The following CNKSR2 variants were observed in gnomAD, a reference collection of about 807,000 sequenced individuals.
The protein encoded by CNKSR2 is connector enhancer of kinase suppressor of Ras 2.
CNKSR2 carries 14 observed loss-of-function variants against 84.4 expected under a neutral mutation model. That is an observed-to-expected ratio of 0.17 (90% confidence interval 0.11 to 0.26). CNKSR2 has a LOEUF of 0.26. Ranked by LOEUF, CNKSR2 falls within the 10% of genes least tolerant of loss-of-function variation. The pLI is 1.00. For synonymous variants in CNKSR2, 275 were observed against 277.9 expected (o/e 0.99, Z 0.10); for missense variants, 485 against 771.2 (o/e 0.63, Z 4.40).
intron 1 of CNKSR2, among the ~76,000 whole-genome samples, chrX:21,416,240 A>G (rs1227107115): frequency 8.9e-6 from 1 of 112,142 alleles, no homozygotes; most frequent in Non-Finnish European, 1.9e-5. Flanking sequence ...ACGATGTACC[A>G]CATTGATTGA....
chrX:21,417,849 A>C (rs1162589607), intron 1 of CNKSR2, among the ~76,000 whole-genome samples: 1 of 111,115 alleles, frequency 9.0e-6, no homozygotes, highest in Non-Finnish European at 1.9e-5. Flanking sequence ...TTTTGTTTTT[A>C]AATTTATGCA....
intron 1 of CNKSR2, among the ~76,000 whole-genome samples, chrX:21,391,502 G>A (rs1169859515): frequency 8.9e-6 from 1 of 112,054 alleles, no homozygotes; most frequent in African/African-American, 3.3e-5. Flanking sequence ...GTGTATCTGG[G>A]GTCCTTTTAG....
chrX:21,625,282 C>T (rs187018801), intron 20 of CNKSR2, among the ~76,000 whole-genome samples: 15 of 112,080 alleles, frequency 1.3e-4, no homozygotes, highest in African/African-American at 4.5e-4. Flanking sequence ...AAAACAGTAA[C>T]TAATGGTTAT....
At chrX:21,488,857 A>G (rs1414768565) in intron 5 of CNKSR2, among the ~76,000 whole-genome samples, 1 of 111,015 alleles carries the variant, frequency 9.0e-6, no homozygotes, top group Non-Finnish European at 1.9e-5. Context: ...TACAAAGATA[A>G]GAAGCTACAT....
intron 4 of CNKSR2, among the ~76,000 whole-genome samples, chrX:21,464,459 G>GT (rs1330477975): frequency 8.9e-6 from 1 of 111,916 alleles, no homozygotes. Flanking sequence ...TTATGGAGAT[G>GT]TTTTTTTCTG....
intron 1 of CNKSR2, among the ~76,000 whole-genome samples, chrX:21,391,639 G>A (rs1364210013): frequency 1.8e-5 from 2 of 112,022 alleles, no homozygotes; most frequent in Admixed American, 9.4e-5. Context: ...CCTCTGACAC[G>A]AGGGGCTGCT....
At chrX:21,639,786 G>A (rs926501648) in intron 20 of CNKSR2, among the ~76,000 whole-genome samples, 1 of 111,880 alleles carries the variant, frequency 8.9e-6, no homozygotes, top group Non-Finnish European at 1.9e-5. Context: ...TCAAACTGCA[G>A]TGGGCACAAG....
At chrX:21,543,892 G>A (rs1455971241) in intron 11 of CNKSR2, among the ~76,000 whole-genome samples, 1 of 109,409 alleles carries the variant, frequency 9.1e-6, no homozygotes, top group Non-Finnish European at 1.9e-5. Flanking sequence ...GCATGATCTC[G>A]GCTCACTGCA....
In CNKSR2 at chrX:21,546,239, G is replaced by A. The variant is rs963197970; in HGVS notation, c.1303+14172G>A. 3.7e-5 allele frequency among the ~76,000 whole-genome samples: 4 copies of A among 108,795 alleles called. No individual in the cohort carries two copies. The South Asian group carries it at 1.2e-3, about 33-fold the overall frequency. 94.5% of individuals were successfully genotyped at this position (108,795 alleles called of 115,157 possible). ...AGAAAAGAACATAAATGACCTGATG[G>A]AGCTGAAAAACACAACATGAGAACT... On this transcript the variant is annotated intron_variant, in intron 11 of 21. Transcript: ENST00000379510.
intron 14 of CNKSR2, 94 bp downstream of exon 14, chrX:21,590,714 G>A (rs2092415322): frequency 2.1e-6 from 2 of 949,889 alleles, no homozygotes; most frequent in Admixed American, 5.1e-5. Flanking sequence ...CCTGAGCCCA[G>A]TGTGGTTTAG....
chrX:21,572,670 CT>C (rs2092291953), intron 13 of CNKSR2, among the ~76,000 whole-genome samples: 1 of 111,323 alleles, frequency 9.0e-6, no homozygotes. Flanking sequence ...AAGCCATCAG[CT>C]CTCATGATAA....
intron 6 of CNKSR2, 115 bp downstream of exon 6, chrX:21,490,693 G>A: frequency 1.2e-6 from 1 of 808,156 alleles, no homozygotes; most frequent in South Asian, 4.5e-5. Flanking sequence ...TGAACATTTT[G>A]GTATTTTTTT....
chrX:21,443,914 A>T (rs1005469620), intron 4 of CNKSR2, among the ~76,000 whole-genome samples: 1 of 111,572 alleles, frequency 9.0e-6, no homozygotes, highest in Admixed American at 9.5e-5. Flanking sequence ...TGTTACCTTT[A>T]TATTATTTTA....
chrX:21,521,541 A>G (rs961484752), intron 9 of CNKSR2, among the ~76,000 whole-genome samples: 1 of 110,913 alleles, frequency 9.0e-6, no homozygotes, highest in African/African-American at 3.3e-5. Context: ...ATGGAAGTCC[A>G]GTTTTAATGT....
At chrX:21,440,627 G>T in intron 3 of CNKSR2, 67 bp from the exon 4 acceptor site, 1 of 479,144 alleles carries the variant, frequency 2.1e-6, no homozygotes. Flanking sequence ...CTCATTTTAG[G>T]CTACTATATT....
intron 17 of CNKSR2, 111 bp from the exon 18 acceptor site, chrX:21,601,171 T>C: frequency 2.3e-6 from 1 of 437,922 alleles, no homozygotes. Flanking sequence ...ACACATCTTA[T>C]ATGTAGGATT....
At chrX:21,584,958 G>A (rs2092376695) in intron 13 of CNKSR2, among the ~76,000 whole-genome samples, 2 of 110,340 alleles carry the variant, frequency 1.8e-5, no homozygotes, top group Admixed American at 9.7e-5. Context: ...AAAATTAGAG[G>A]GGGCTGGTCT....
intron 5 of CNKSR2, among the ~76,000 whole-genome samples, chrX:21,485,039 G>A (rs1045799385): frequency 7.2e-5 from 8 of 110,700 alleles, no homozygotes; most frequent in Non-Finnish European, 1.5e-4. Flanking sequence ...AAAAATTAGC[G>A]GGGTGTAGTG....
intron 8 of CNKSR2, 112 bp downstream of exon 8, chrX:21,501,700 C>A: frequency 2.7e-6 from 1 of 366,929 alleles, no homozygotes; most frequent in Non-Finnish European, 4.7e-6. Context: ...TATTGAACAG[C>A]CTTTTGAAAA....
Sources: gnomAD v4.1 joint callset for allele counts (sites outside exome capture counted in the v4.1 genomes callset) on GRCh38, gnomAD v4.1.1 for gene constraint, MANE v1.5 for transcripts, NCBI Gene and HGNC (gene_info 2026-07-23, HGNC 2026-07-21) for gene names.